Variants in FUT5 observed in about 807,000 individuals in gnomAD.
FUT5 encodes fucosyltransferase 5, also known as 4-galactosyl-N-acetylglucosaminide 3-alpha-L-fucosyltransferase FUT5.
In FUT5, 1 loss-of-function variant was observed where a neutral mutation model predicts 0.8. The observed-to-expected ratio is 1.26, with a 90% CI of 0.45 to 5.99. FUT5 has a LOEUF of 5.99. FUT5 is among the 30% of genes most tolerant of loss of function. FUT5 has a pLI of 0.15. For synonymous variants in FUT5, 212 were observed against 225.7 expected (o/e 0.94, Z 0.54); for missense variants, 437 against 517.8 (o/e 0.84, Z 1.51).
In FUT5 at chr19:5,867,314, T is replaced by G. The variant is rs757225388; in HGVS notation, c.412A>C (p.Thr138Pro). The G allele has an allele frequency of 1.1e-5, 17 of 1,613,254 alleles. No homozygotes were observed. Among genetic ancestry groups the G allele is most frequent in the Non-Finnish European group, 1.4e-5 (16 of 1,179,942 alleles). The change falls in exon 2 of 2, where the codon ACC becomes CCC. Residue 138 changes from threonine to proline, a missense_variant. By Grantham distance (38) the Thr-to-Pro change is conservative. Around this residue, in one of 2 missense-constraint regions of FUT5, gnomAD observed 261 missense variants for 242.6 expected, o/e 1.08. Coordinates refer to ENST00000588525, the MANE Select transcript of FUT5 (RefSeq NM_002034.2). The surrounding 1 kb of genome is among the most constrained non-coding windows in gnomAD (Gnocchi z 5.0). ...ATCCAGCGCTGCCCCTGCGGCCTGG[T>G]GGGGGGCGGGAGGTTGGCACTGGGG... ...YNPSANLPPP[T>P]RPQGQRWIWF... is the part of the protein sequence containing the mutation.
Position 5,867,065 on chromosome 19 carries a change from G to A in FUT5, c.661C>T (p.Arg221Cys), listed in dbSNP as rs781634935. 9 of 1,613,506 alleles carry A rather than the reference G, an allele frequency of 5.6e-6. No individual in the cohort carries two copies. Among genetic ancestry groups the A allele is most frequent in the Middle Eastern group, 3.3e-4 (2 of 6,052 alleles). Residue 221 changes from arginine to cysteine, a missense_variant, in exon 2 of 2, where the codon CGC (arginine) becomes TGC (cysteine). Around this residue, in one of 2 missense-constraint regions of FUT5, gnomAD observed 176 missense variants for 275.2 expected, o/e 0.64. Transcript: ENST00000588525. The surrounding 1 kb of genome is among the most constrained non-coding windows in gnomAD (Gnocchi z 5.0). ...SNWKPDSARVRYYQSLQAHLK... is the reference protein window; with the variant it reads ...SNWKPDSARVCYYQSLQAHLK... Reference sequence around the variant, plus strand: ...TGAGCCTGCAGGCTCTGGTAGTAGCGCACCCTGGCCGAGTCCGGCTTCCAG... The same window carrying A: ...TGAGCCTGCAGGCTCTGGTAGTAGCACACCCTGGCCGAGTCCGGCTTCCAG...
Position 5,867,534 on chromosome 19 carries a change from G to A in FUT5, c.192C>T (p.Cys64=). The A allele has an allele frequency of 6.2e-7, 1 of 1,613,454 alleles. No homozygotes were observed. Among genetic ancestry groups the A allele is most frequent in the Non-Finnish European group, 8.5e-7 (1 of 1,180,014 alleles). ...GGGCAGGGGTCGCCATGCTGTCCTG[G>A]CAGCGGGACCCATTGGGAGCCCCGG... ...PVTGAPNGSR[C]QDSMATPAHP... Residue 64 remains cysteine (C), a synonymous_variant, in exon 2 of 2, where the codon TGC becomes TGT. Transcript: ENST00000588525. The surrounding 1 kb of genome is among the most constrained non-coding windows in gnomAD (Gnocchi z 5.0).
chr19:5,867,374 C>T lies in FUT5; in HGVS notation c.352G>A (p.Ala118Thr), dbSNP rs752890602. 31 of 1,613,808 alleles carry T rather than the reference C, an allele frequency of 1.9e-5. No individual in the cohort carries two copies. The highest frequency in any genetic ancestry group is 2.2e-5 in the Non-Finnish European group (26 of 1,180,024). Residue 118 changes from alanine to threonine, a missense_variant, in exon 2 of 2, where the codon GCG (alanine) becomes ACG (threonine). Physicochemically the swap from Ala to Thr is moderately conservative, Grantham distance 58. Coordinates refer to ENST00000588525, the MANE Select transcript of FUT5 (RefSeq NM_002034.2). This position sits in a 1 kb window ranked among gnomAD's most constrained non-coding sequence, Gnocchi z 5.0. ...ADSSVYPQAD[A>T]VIVHHWDIMY... ...ATATCCCAGTGGTGCACGATGACCGCGTCTGCCTGTGGGTACACACTGGAG... is the reference window on the plus strand; with the variant it reads ...ATATCCCAGTGGTGCACGATGACCGTGTCTGCCTGTGGGTACACACTGGAG...
At position 5,866,469 on chromosome 19, in the gene FUT5, G is replaced by GAGGCCCCAGGCAGC. The variant is rs1568423046; in HGVS notation, c.*131_*132insGCTGCCTGGGGCCT. The GAGGCCCCAGGCAGC allele has an allele frequency of 8.3e-5, 117 of 1,408,482 alleles. No homozygotes were observed. In the East Asian group the frequency reaches 2.7e-3, roughly 32 times the overall value. The allele number at this position is 1,408,482 out of a possible 1,614,324, so 87.2% of individuals were successfully genotyped here. A position where few individuals can be genotyped will look rare whatever the true frequency, so the allele number is the denominator to read the frequency against. ...CTCCAGCAGGTGAGGCCCCAGGCAG[G>GAGGCCCCAGGCAGC]TGAGACCCCAGGCAGCCGAGGCCCC... is the stretch of plus-strand genomic sequence containing the variant. On this transcript the variant is annotated 3_prime_UTR_variant, in exon 2 of 2. Coordinates refer to ENST00000588525, the MANE Select transcript of FUT5 (RefSeq NM_002034.2). The surrounding 1 kb of genome is among the most constrained non-coding windows in gnomAD (Gnocchi z 4.9).
In FUT5 at chr19:5,867,541, G is replaced by T; in HGVS notation, c.185C>A (p.Ser62Tyr). The change falls in exon 2 of 2, where the codon TCC becomes TAC. Residue 62 changes from serine to tyrosine, a missense_variant. Physicochemically the swap from Ser to Tyr is moderately radical, Grantham distance 144. Coordinates refer to ENST00000588525, the MANE Select transcript of FUT5 (RefSeq NM_002034.2). This position sits in a 1 kb window ranked among gnomAD's most constrained non-coding sequence, Gnocchi z 5.0. Reference protein sequence around the residue: ...VEPVTGAPNGSRCQDSMATPA... With the variant: ...VEPVTGAPNGYRCQDSMATPA... Reference sequence around the variant, plus strand: ...GGTCGCCATGCTGTCCTGGCAGCGGGACCCATTGGGAGCCCCGGTGACAGG... The same window carrying T: ...GGTCGCCATGCTGTCCTGGCAGCGGTACCCATTGGGAGCCCCGGTGACAGG... The T allele has an allele frequency of 6.2e-7, 1 of 1,613,448 alleles. No homozygotes were observed. Among genetic ancestry groups the T allele is most frequent in the Non-Finnish European group, 8.5e-7 (1 of 1,180,022 alleles).
intron 1 of FUT5, among the ~76,000 whole-genome samples, chr19:5,870,090 A>C (rs2057518222): frequency 6.7e-6 from 1 of 148,548 alleles, no homozygotes; most frequent in South Asian, 2.2e-4. Flanking sequence ...AAAAAAAAGA[A>C]AAAGAAAAAC....
At chr19:5,868,738 G>A (rs1000155249) in intron 1 of FUT5, among the ~76,000 whole-genome samples, 1 of 152,164 alleles carries the variant, frequency 6.6e-6, no homozygotes, top group African/African-American at 2.4e-5. Context: ...GGGAGGCTGA[G>A]GCAGGAAAAT....
At chr19:5,868,678 A>G (rs2057513838) in intron 1 of FUT5, among the ~76,000 whole-genome samples, 1 of 152,222 alleles carries the variant, frequency 6.6e-6, no homozygotes, top group Non-Finnish European at 1.5e-5. Context: ...CTACTAAAAA[A>G]TACAAAAATT....
In FUT5 at chr19:5,870,015, GA is replaced by G. The variant is rs2057517657; in HGVS notation, c.-13+449del. Among the ~76,000 whole-genome samples the G allele has an allele frequency of 1.0e-4, 14 of 133,582 alleles. No homozygotes were observed. In the South Asian group the frequency reaches 3.3e-3, roughly 31 times the overall value. The allele number at this position is 133,582 out of a possible 152,430, so 87.6% of individuals were successfully genotyped here. A position where few individuals can be genotyped will look rare whatever the true frequency, so the allele number is the denominator to read the frequency against. ...CGGGAGGCGGGGGTTGCAGTGAGCTGAGATTGCGCCACTGCACTCCAGCTTG... is the reference window on the plus strand; with the variant it reads ...CGGGAGGCGGGGGTTGCAGTGAGCTGGATTGCGCCACTGCACTCCAGCTTG... On this transcript the variant is annotated intron_variant, in intron 1 of 1. Transcript: ENST00000588525.
chr19:5,869,985 G>A (rs192932585), intron 1 of FUT5, among the ~76,000 whole-genome samples: 216 of 139,310 alleles, frequency 1.6e-3, no homozygotes, highest in Non-Finnish European at 2.8e-3. Context: ...AGAATTGCTT[G>A]AACCCGGGAG....
intron 1 of FUT5, among the ~76,000 whole-genome samples, chr19:5,868,487 G>A (rs7255125): frequency 0.014 from 2,125 of 152,238 alleles, 54 homozygotes; most frequent in African/African-American, 0.049. Flanking sequence ...GGATGCCAGG[G>A]TGGACTGTTT....
intron 1 of FUT5, among the ~76,000 whole-genome samples, chr19:5,868,260 T>A (rs778973): frequency 6.6e-6 from 1 of 151,826 alleles, no homozygotes; most frequent in Non-Finnish European, 1.5e-5. Flanking sequence ...AGTGGGGGGA[T>A]CTGGGGCCCC....
At chr19:5,868,930 C>G (rs998504366) in intron 1 of FUT5, among the ~76,000 whole-genome samples, 21 of 152,212 alleles carry the variant, frequency 1.4e-4, no homozygotes, top group Non-Finnish European at 3.1e-4. Context: ...AAATGATCCT[C>G]CCACCTCAGC....
At position 5,867,783 on chromosome 19, in the gene FUT5, C is replaced by T. The variant is rs142674629; in HGVS notation, c.-12-46G>A. ...AGTGAGGGTCATTAAGGAAGATCAC[C>T]CACTTCCTGGCCACGTGTCCTGAGA... On this transcript the variant is annotated intron_variant, in intron 1 of 1. Coordinates refer to ENST00000588525, the MANE Select transcript of FUT5 (RefSeq NM_002034.2). This position sits in a 1 kb window ranked among gnomAD's most constrained non-coding sequence, Gnocchi z 5.0. The T allele has an allele frequency of 3.8e-4, 595 of 1,582,374 alleles. No homozygotes were observed. Among genetic ancestry groups the T allele is most frequent in the Non-Finnish European group, 5.0e-4 (571 of 1,152,328 alleles).
Position 5,866,678 on chromosome 19 carries a change from A to G in FUT5, c.1048T>C (p.Phe350Leu). 12 of 1,612,682 alleles carry G rather than the reference A, an allele frequency of 7.4e-6. No individual in the cohort carries two copies. The highest frequency in any genetic ancestry group is 1.0e-5 in the Non-Finnish European group (12 of 1,179,918). ...RPRSFSWALA[F>L]CKACWKLQQE... ...TGCAGCTTCCAGCAGGCCTTGCAGA[A>G]AGCCAGTGCCCAGCTGAAGGAGCGA... Residue 350 changes from phenylalanine (F) to leucine (L), a missense_variant, in exon 2 of 2, where the codon TTC (phenylalanine) becomes CTC (leucine). Coordinates refer to ENST00000588525, the MANE Select transcript of FUT5 (RefSeq NM_002034.2). The surrounding 1 kb of genome is among the most constrained non-coding windows in gnomAD (Gnocchi z 4.9).
chr19:5,866,529 A>G lies in FUT5; in HGVS notation c.*72T>C. ...AGGCCCCAGGTAGGTAAATCCCCCG[A>G]CTAGTGAGACCCTAGGTAGGTGAGG... On this transcript the variant is annotated 3_prime_UTR_variant, in exon 2 of 2. Transcript: ENST00000588525. This position sits in a 1 kb window ranked among gnomAD's most constrained non-coding sequence, Gnocchi z 4.9. 1 of 1,609,798 alleles carries G rather than the reference A, an allele frequency of 6.2e-7. No individual in the cohort carries two copies. The highest frequency in any genetic ancestry group is 1.3e-5 in the African/African-American group (1 of 74,860).
In FUT5 at chr19:5,867,310, C is replaced by T; in HGVS notation, c.416G>A (p.Arg139Lys). 1.2e-6 allele frequency: 2 copies of T among 1,613,616 alleles called. No individual in the cohort carries two copies. Among genetic ancestry groups the T allele is most frequent in the Non-Finnish European group, 1.7e-6 (2 of 1,180,026 alleles). ...CCAGATCCAGCGCTGCCCCTGCGGC[C>T]TGGTGGGGGGCGGGAGGTTGGCACT... ...NPSANLPPPT[R>K]PQGQRWIWFS... The change falls in exon 2 of 2, where the codon AGG becomes AAG. Residue 139 changes from arginine (R) to lysine (K), a missense_variant. Coordinates refer to ENST00000588525, the MANE Select transcript of FUT5 (RefSeq NM_002034.2). This position sits in a 1 kb window ranked among gnomAD's most constrained non-coding sequence, Gnocchi z 5.0.
In FUT5 at chr19:5,867,869, G is replaced by C. The variant is rs1220626659; in HGVS notation, c.-12-132C>G. ...ATGCCCCCAGTACCCCTGAGTTGAG[G>C]ATTGAATTTATAACTCTGACAGGGA... On this transcript the variant is annotated intron_variant, in intron 1 of 1. Coordinates refer to ENST00000588525, the MANE Select transcript of FUT5 (RefSeq NM_002034.2). This position sits in a 1 kb window ranked among gnomAD's most constrained non-coding sequence, Gnocchi z 5.0. The C allele has an allele frequency of 9.3e-6, 9 of 968,332 alleles. No individual in the cohort carries two copies. The highest frequency in any genetic ancestry group is 1.6e-5 in the African/African-American group (1 of 61,448). The allele number at this position is 968,332 out of a possible 1,614,324, so 60.0% of individuals were successfully genotyped here. A position where few individuals can be genotyped will look rare whatever the true frequency, so the allele number is the denominator to read the frequency against.
chr19:5,867,322 G>A lies in FUT5; in HGVS notation c.404C>T (p.Pro135Leu), dbSNP rs139667433. The A allele has an allele frequency of 6.2e-6, 10 of 1,613,632 alleles. No homozygotes were observed. In the African/African-American group the frequency reaches 6.7e-5, roughly 11 times the overall value. The part of the protein sequence containing the change: ...DIMYNPSANL[P>L]PPTRPQGQRW... ...CTGCCCCTGCGGCCTGGTGGGGGGC[G>A]GGAGGTTGGCACTGGGGTTGTACAT... The change falls in exon 2 of 2, where the codon CCG becomes CTG. Residue 135 changes from proline (P) to leucine (L), a missense_variant. This residue lies in a region of FUT5 where 261 missense variants were observed against 242.6 expected (regional missense o/e 1.08). Coordinates refer to ENST00000588525, the MANE Select transcript of FUT5 (RefSeq NM_002034.2). The surrounding 1 kb of genome is among the most constrained non-coding windows in gnomAD (Gnocchi z 5.0).
Sources: gnomAD v4.1 joint callset for allele counts (sites outside exome capture counted in the v4.1 genomes callset) on GRCh38, gnomAD v4.1.1 for gene constraint, gnomAD v4.1.1 regional missense constraint, Gnocchi (gnomAD v3.1) non-coding constraint, MANE v1.5 for transcripts, NCBI Gene and HGNC (gene_info 2026-07-23, HGNC 2026-07-21) for gene names.